Variants in LCP2 observed in about 807,000 individuals in gnomAD.
LCP2 encodes the protein 76 kDa tyrosine phosphoprotein.
LCP2 carries 29 observed loss-of-function variants against 74.5 expected under a neutral mutation model. The ratio of observed to expected loss-of-function variants is 0.39; its 90% confidence interval spans 0.29 to 0.53. The LOEUF is 0.53. Ranked by LOEUF, LCP2 falls within the 20% of genes least tolerant of loss-of-function variation. The probability of loss-of-function intolerance (pLI) is 0.72; values close to 1 mark genes in which losing one functional copy is unlikely to be tolerated. For synonymous variants in LCP2, 228 were observed against 229.5 expected, an observed-to-expected ratio of 0.99 and a Z score of 0.06; for missense variants, 604 against 634.6, an observed-to-expected ratio of 0.95 and a Z score of 0.52.
At chr5:170,295,643 T>C (rs989294563) in intron 1 of LCP2, among the ~76,000 whole-genome samples, 5 of 152,354 alleles carry the variant, frequency 3.3e-5, no homozygotes, top group African/African-American at 1.2e-4. Context: ...ATTCTTTACA[T>C]GTCATGTTTG....
chr5:170,272,962 C>T (rs537619869), intron 6 of LCP2, among the ~76,000 whole-genome samples: 8 of 151,782 alleles, frequency 5.3e-5, no homozygotes, highest in African/African-American at 1.7e-4. Flanking sequence ...ATGCTTGTCC[C>T]TCATCCTTCT....
chr5:170,289,168 T>A (rs1026909156), intron 2 of LCP2, among the ~76,000 whole-genome samples: 20 of 152,192 alleles, frequency 1.3e-4, no homozygotes, highest in African/African-American at 4.8e-4. Flanking sequence ...TACCCACCTA[T>A]CAGGATTGTG....
chr5:170,262,865 C>A lies in LCP2; in HGVS notation c.799-4G>T. The A allele has an allele frequency of 6.2e-7, 1 of 1,613,970 alleles. No homozygotes were observed. The highest frequency in any genetic ancestry group is 1.3e-5 in the African/African-American group (1 of 75,028). Reference sequence around the variant, plus strand: ...ACCTTCCCGCTGGAATCGAGGGCTGCAAGACAGGAGGAAAAATGTATGAGT... The same window carrying A: ...ACCTTCCCGCTGGAATCGAGGGCTGAAAGACAGGAGGAAAAATGTATGAGT... On this transcript the variant is annotated splice_polypyrimidine_tract_variant and splice_region_variant and intron_variant, in intron 11 of 20. Transcript: ENST00000046794.
intron 18 of LCP2, among the ~76,000 whole-genome samples, chr5:170,252,807 A>G (rs1248938492): frequency 6.6e-6 from 1 of 152,246 alleles, no homozygotes; most frequent in Non-Finnish European, 1.5e-5. Flanking sequence ...AGTTTAGCAT[A>G]ATAACCTGCT....
chr5:170,293,790 T>A (rs1762328583), intron 1 of LCP2, among the ~76,000 whole-genome samples: 1 of 152,244 alleles, frequency 6.6e-6, no homozygotes, highest in African/African-American at 2.4e-5. Flanking sequence ...TTATATTCAA[T>A]CTCATTATTC....
rs183493120 is a variant in LCP2 at position 170,257,030 on chromosome 5, T to G, written c.1101-455A>C. On this transcript the variant is annotated intron_variant, in intron 16 of 20. Coordinates refer to ENST00000046794, the MANE Select transcript of LCP2 (RefSeq NM_005565.5). ...GGTGAGAAGGGAAGTGCATGTTAGGTGGGCTCTGCAGCAGACGGTGATAGC... is the reference window on the plus strand; with the variant it reads ...GGTGAGAAGGGAAGTGCATGTTAGGGGGGCTCTGCAGCAGACGGTGATAGC... Among the ~76,000 whole-genome samples the G allele has an allele frequency of 6.6e-5, 10 of 152,088 alleles. No individual in the cohort carries two copies. In the East Asian group the frequency reaches 1.6e-3, roughly 24 times the overall value.
At position 170,262,744 on chromosome 5, in the gene LCP2, T is replaced by C; in HGVS notation, c.819-2A>G. 5.0e-6 allele frequency: 8 copies of C among 1,613,660 alleles called. No individual in the cohort carries two copies. Among genetic ancestry groups the C allele is most frequent in the Non-Finnish European group, 6.8e-6 (8 of 1,179,586 alleles). On this transcript the variant is annotated splice_acceptor_variant, in intron 12 of 20. Transcript: ENST00000046794. LOFTEE classifies it high-confidence loss of function. Reference sequence around the variant, plus strand: ...TTGGGTAAATGCTCCCCGAGTGACCTGTGGAGTTCAGGAAAAGGATGTGTA... The same window carrying C: ...TTGGGTAAATGCTCCCCGAGTGACCCGTGGAGTTCAGGAAAAGGATGTGTA...
At chr5:170,267,343 ACTCG>A (rs1461800253) in intron 8 of LCP2, 1 of 533,858 alleles carries the variant, frequency 1.9e-6, no homozygotes, top group African/African-American at 1.9e-5. Context: ...CAAAATTGAA[ACTCG>A]TTAATGTCCT....
chr5:170,274,995 A>C (rs1344273074), intron 5 of LCP2, among the ~76,000 whole-genome samples: 2 of 148,088 alleles, frequency 1.4e-5, no homozygotes, highest in Non-Finnish European at 3.0e-5. Flanking sequence ...AAAAAAAAAA[A>C]CTCAGATGCA....
chr5:170,276,897 G>A (rs1227122381), intron 3 of LCP2, among the ~76,000 whole-genome samples: 1 of 151,808 alleles, frequency 6.6e-6, no homozygotes, highest in Non-Finnish European at 1.5e-5. Flanking sequence ...CCAACATGGT[G>A]AAACCCCGTC....
intron 15 of LCP2, chr5:170,258,424 A>G (rs999402782): frequency 7.8e-6 from 3 of 386,002 alleles, no homozygotes; most frequent in African/African-American, 2.0e-5. Flanking sequence ...TTTGTTTTTC[A>G]TTTTTGAAAT....
intron 1 of LCP2, 22 bp downstream of exon 1, chr5:170,297,512 T>C: frequency 6.2e-7 from 1 of 1,606,894 alleles, no homozygotes; most frequent in Non-Finnish European, 8.5e-7. Context: ...ATCATGACCA[T>C]TCACACAAGA....
In LCP2 at chr5:170,285,047, G is replaced by A. The variant is rs185952605; in HGVS notation, c.188+2923C>T. On this transcript the variant is annotated intron_variant, in intron 3 of 20. Transcript: ENST00000046794. The stretch of plus-strand genomic sequence containing the variant: ...ATTACAGGCGTGAGCCACTGTGCCC[G>A]GCCCCTTGATGCTCTTTTCAGTGTT... Among the ~76,000 whole-genome samples, 291 of 152,218 alleles carry A rather than the reference G, an allele frequency of 1.9e-3. 1 individual carries two copies. Among genetic ancestry groups the A allele is most frequent in the African/African-American group, 6.7e-3 (277 of 41,540 alleles).
chr5:170,274,976 CAAA>C (rs57336424), intron 5 of LCP2, among the ~76,000 whole-genome samples: 78 of 65,572 alleles, frequency 1.2e-3, no homozygotes, highest in African/African-American at 3.2e-3. Context: ...GACTCTGTCT[CAAA>C]AAAAAAAAAA....
At chr5:170,282,181 A>G (rs1762116283) in intron 3 of LCP2, among the ~76,000 whole-genome samples, 1 of 152,218 alleles carries the variant, frequency 6.6e-6, no homozygotes, top group Non-Finnish European at 1.5e-5. Flanking sequence ...TTAAAAATCT[A>G]TTTAATACTT....
intron 17 of LCP2, among the ~76,000 whole-genome samples, chr5:170,253,803 C>T (rs1461817365): frequency 6.6e-6 from 1 of 152,218 alleles, no homozygotes; most frequent in Admixed American, 6.5e-5. Flanking sequence ...GAAGGCACTA[C>T]AGATCAGGAA....
At chr5:170,266,780 C>T (rs372161705) in intron 10 of LCP2, 28 bp downstream of exon 10, 10 of 1,563,998 alleles carry the variant, frequency 6.4e-6, no homozygotes, top group South Asian at 4.4e-5. Context: ...ATCATTATTA[C>T]TATGCATTAA....
At chr5:170,281,683 G>A (rs896264469) in intron 3 of LCP2, among the ~76,000 whole-genome samples, 1 of 152,192 alleles carries the variant, frequency 6.6e-6, no homozygotes, top group East Asian at 1.9e-4. Context: ...AGATGCCTCA[G>A]TACGTTGTTT....
At chr5:170,297,102 T>A (rs940966496) in intron 1 of LCP2, among the ~76,000 whole-genome samples, 1 of 152,186 alleles carries the variant, frequency 6.6e-6, no homozygotes, top group Non-Finnish European at 1.5e-5. Context: ...TCTCTGCATC[T>A]CAGAGCATGG....
Sources: allele counts gnomAD v4.1 joint callset (sites outside exome capture counted in the v4.1 genomes callset), GRCh38; gene constraint gnomAD v4.1.1; transcripts MANE v1.5; gene names NCBI Gene and HGNC (gene_info 2026-07-23, HGNC 2026-07-21).